Variants in FANCC observed in about 807,000 individuals in gnomAD.
FANCC encodes the protein Fanconi anemia group C protein.
FANCC carries 55 observed loss-of-function variants against 71.3 expected under a neutral mutation model. The ratio of observed to expected loss-of-function variants is 0.77; its 90% CI spans 0.62 to 0.97. FANCC has a LOEUF of 0.97. Ranked by LOEUF, FANCC falls within the 50% of genes least tolerant of loss-of-function variation. The pLI, the probability that FANCC is intolerant of heterozygous loss-of-function variation, is 0.00. For missense variants in FANCC, 678 were observed against 670.9 expected (o/e 1.01, Z -0.12); for synonymous variants, 275 against 244.9 (o/e 1.12, Z -1.15).
chr9:95,149,791 A>C (rs1830036100), intron 7 of FANCC, 132 bp downstream of exon 7: 2 of 1,066,380 alleles, frequency 1.9e-6, no homozygotes, highest in Non-Finnish European at 2.8e-6. Flanking sequence ...GATACTCAGT[A>C]ATTTTTAAGA....
chr9:95,236,059 C>T (rs1025183725), intron 4 of FANCC, among the ~76,000 whole-genome samples: 8 of 151,976 alleles, frequency 5.3e-5, no homozygotes, highest in Admixed American at 2.6e-4. Flanking sequence ...AGAGGACAGA[C>T]GCTATCTGGA....
At chr9:95,156,673 A>G (rs1366789106) in intron 6 of FANCC, among the ~76,000 whole-genome samples, 1 of 152,142 alleles carries the variant, frequency 6.6e-6, no homozygotes, top group Non-Finnish European at 1.5e-5. Context: ...TGTGAGAACA[A>G]AACTTTTCAA....
At chr9:95,173,244 C>T (rs971854817) in intron 4 of FANCC, among the ~76,000 whole-genome samples, 2 of 152,060 alleles carry the variant, frequency 1.3e-5, no homozygotes, top group Non-Finnish European at 2.9e-5. Flanking sequence ...TAGGGTCTTC[C>T]ATACAGAGTG....
intron 4 of FANCC, among the ~76,000 whole-genome samples, chr9:95,203,303 G>A (rs1588274961): frequency 6.8e-6 from 1 of 147,558 alleles, no homozygotes; most frequent in Admixed American, 7.1e-5. Flanking sequence ...GAAGGCTGAG[G>A]TGGAAGGATC....
rs962696533 is a variant in FANCC at position 95,099,922 on chromosome 9, C to T, written c.*1785G>A. 4.3e-5 allele frequency: 10 copies of T among 232,966 alleles called. No homozygotes were observed. The highest frequency in any genetic ancestry group is 5.9e-5 in the Non-Finnish European group (7 of 117,980). 14.4% of individuals were successfully genotyped at this position (232,966 alleles called of 1,614,324 possible). On this transcript the variant is annotated 3_prime_UTR_variant, in exon 15 of 15. Transcript: ENST00000289081. ...TGGCAGGGGAGGAGGAAGAGGCCAA[C>T]CCTGTACACAGGACCACAGGACAGG... is the stretch of plus-strand genomic sequence containing the variant.
intron 6 of FANCC, among the ~76,000 whole-genome samples, chr9:95,165,246 T>A (rs1032016554): frequency 6.6e-6 from 1 of 151,932 alleles, no homozygotes; most frequent in African/African-American, 2.4e-5. Flanking sequence ...ATTCTCTATT[T>A]TATTTATTTC....
intron 12 of FANCC, chr9:95,114,282 G>A (rs577109466): frequency 1.1e-5 from 4 of 362,010 alleles, no homozygotes; most frequent in East Asian, 6.8e-5. Flanking sequence ...CCTTCTGTGC[G>A]GCCAGGGAGG....
At chr9:95,197,395 C>A (rs890475074) in intron 4 of FANCC, among the ~76,000 whole-genome samples, 1 of 152,012 alleles carries the variant, frequency 6.6e-6, no homozygotes, top group Non-Finnish European at 1.5e-5. Context: ...TTAAATTAGC[C>A]GGGTATGGTG....
At chr9:95,185,147 T>C (rs755712262) in intron 4 of FANCC, among the ~76,000 whole-genome samples, 8 of 152,246 alleles carry the variant, frequency 5.3e-5, no homozygotes, top group Non-Finnish European at 1.0e-4. Context: ...GAAAAGGTAT[T>C]TGGAATTTTG....
chr9:95,211,780 GGA>G (rs1241421224), intron 4 of FANCC, among the ~76,000 whole-genome samples: 1 of 151,628 alleles, frequency 6.6e-6, no homozygotes, highest in Non-Finnish European at 1.5e-5. Flanking sequence ...CAGAGATGAT[GGA>G]AGTAGTAAAG....
At chr9:95,314,687 G>T (rs2136439528) in intron 1 of FANCC, among the ~76,000 whole-genome samples, 1 of 151,108 alleles carries the variant, frequency 6.6e-6, no homozygotes, top group East Asian at 1.9e-4. Flanking sequence ...TCACTTTATC[G>T]ATAAAAAAAA....
At chr9:95,291,860 A>C (rs1423413426) in intron 1 of FANCC, among the ~76,000 whole-genome samples, 3 of 148,118 alleles carry the variant, frequency 2.0e-5, no homozygotes, top group African/African-American at 7.5e-5. Context: ...AGGCAGGAGG[A>C]TCTCTTGAAC....
chr9:95,254,547 A>C (rs750201079), intron 1 of FANCC, among the ~76,000 whole-genome samples: 7 of 152,212 alleles, frequency 4.6e-5, no homozygotes, highest in Non-Finnish European at 5.9e-5. Context: ...GCATTCCAGC[A>C]CAGACACTAC....
intron 1 of FANCC, chr9:95,293,506 G>C: frequency 6.3e-7 from 1 of 1,590,192 alleles, no homozygotes; most frequent in South Asian, 1.2e-5. Context: ...GTGAACTTGG[G>C]TAAAAGTCCA....
chr9:95,253,079 AAAC>A (rs1425134433), intron 1 of FANCC, among the ~76,000 whole-genome samples: 4 of 152,218 alleles, frequency 2.6e-5, no homozygotes, highest in East Asian at 1.9e-4. Flanking sequence ...AAAAAAAGGC[AAAC>A]AACCTTCGCT....
intron 1 of FANCC, among the ~76,000 whole-genome samples, chr9:95,249,967 T>G (rs1397843715): frequency 2.0e-5 from 3 of 152,242 alleles, no homozygotes; most frequent in African/African-American, 7.2e-5. Context: ...TGATCTCACT[T>G]CATTCACACG....
intron 4 of FANCC, among the ~76,000 whole-genome samples, chr9:95,184,727 A>G (rs1386214512): frequency 1.3e-5 from 2 of 152,368 alleles, no homozygotes; most frequent in African/African-American, 4.8e-5. Context: ...AGAACAGCAC[A>G]TGCTAAGGGA....
intron 1 of FANCC, among the ~76,000 whole-genome samples, chr9:95,286,964 A>G (rs1215925929): frequency 6.6e-6 from 1 of 152,198 alleles, no homozygotes; most frequent in East Asian, 1.9e-4. Context: ...TAGAGGAAGC[A>G]AATAGCTTCC....
intron 7 of FANCC, chr9:95,145,312 CATT>C (rs1419588007): frequency 6.6e-6 from 1 of 152,116 alleles, no homozygotes; most frequent in Non-Finnish European, 1.5e-5. Context: ...TACAACAAAA[CATT>C]AGGAACAAGA....
Sources: allele counts gnomAD v4.1 joint callset (sites outside exome capture counted in the v4.1 genomes callset), GRCh38; gene constraint gnomAD v4.1.1; transcripts MANE v1.5; gene names NCBI Gene and HGNC (gene_info 2026-07-23, HGNC 2026-07-21).